The following KIAA1549L variants were observed in gnomAD, a reference collection of about 807,000 sequenced individuals.
KIAA1549L encodes UPF0606 protein KIAA1549L.
A neutral mutation model predicts 160.7 loss-of-function variants in KIAA1549L; 88 were observed. That is an observed-to-expected ratio of 0.55 (90% confidence interval 0.46 to 0.65). The LOEUF (loss-of-function observed/expected upper bound fraction) is 0.65, where lower values mean the gene tolerates loss of function less well. Among genes scored for constraint, KIAA1549L ranks in the 30% least tolerant of loss-of-function variants. The pLI, the probability that KIAA1549L is intolerant of heterozygous loss-of-function variation, is 0.00. For missense variants in KIAA1549L, 2,258 were observed against 2,437.5 expected, an observed-to-expected ratio of 0.93 and a Z score of 1.55; for synonymous variants, 950 against 976.7, an observed-to-expected ratio of 0.97 and a Z score of 0.51.
Position 33,552,040 on chromosome 11 carries a change from C to G in KIAA1549L, c.3722-68C>G, listed in dbSNP as rs1343881327. ...AAAATCGTGCTGTTTTATATTATGA[C>G]CACTGTTAAATCCAAGGAACTGAGA... On this transcript the variant is annotated intron_variant, in intron 5 of 20. Coordinates refer to ENST00000658780, the MANE Select transcript of KIAA1549L (RefSeq NM_012194.3). 3.8e-6 allele frequency: 6 copies of G among 1,559,566 alleles called. No homozygotes were observed. The Admixed American group carries it at 9.0e-5, about 23-fold the overall frequency.
chr11:33,525,803 T>C (rs902552320), intron 1 of KIAA1549L, among the ~76,000 whole-genome samples: 2 of 152,060 alleles, frequency 1.3e-5, no homozygotes, highest in Admixed American at 6.5e-5. Context: ...AGACTGGCTT[T>C]GCTGGCTGTG....
In KIAA1549L at chr11:33,656,050, C is replaced by T. The variant is rs2133432898; in HGVS notation, c.5799C>T (p.Gly1933=). 6.2e-7 allele frequency: 1 copy of T among 1,613,938 alleles called. No individual in the cohort carries two copies. Among genetic ancestry groups the T allele is most frequent in the Non-Finnish European group, 8.5e-7 (1 of 1,179,850 alleles). ...CCCAGCTTCCTGAGATGGTCATGGG[C>T]TCACCGCCTCCACCCGTACCTCCCC... ...RFSQLPEMVM[G]SPPPPVPPRT... Residue 1933 remains glycine (G), a synonymous_variant, in exon 18 of 21, where the codon GGC becomes GGT. Transcript: ENST00000658780.
intron 1 of KIAA1549L, among the ~76,000 whole-genome samples, chr11:33,399,820 G>T (rs1850462157): frequency 6.6e-6 from 1 of 152,196 alleles, no homozygotes; most frequent in Non-Finnish European, 1.5e-5. Context: ...GAAGGACGAA[G>T]ATGAAGAAGA....
intron 1 of KIAA1549L, among the ~76,000 whole-genome samples, chr11:33,408,781 C>CAAAAAAAAAAAAAAAA (rs71034683): frequency 8.7e-6 from 1 of 115,340 alleles, no homozygotes; most frequent in African/African-American, 3.4e-5. Context: ...ACTAAAAATA[C>CAAAAAAAAAAAAAAAA]AAAAAAAAAA....
intron 13 of KIAA1549L, among the ~76,000 whole-genome samples, chr11:33,600,641 C>T (rs1412974139): frequency 6.6e-6 from 1 of 151,916 alleles, no homozygotes; most frequent in Non-Finnish European, 1.5e-5. Context: ...CCAGATGCCC[C>T]ACTCACCCAC....
chr11:33,462,875 C>T (rs1410090987), intron 1 of KIAA1549L, among the ~76,000 whole-genome samples: 1 of 151,934 alleles, frequency 6.6e-6, no homozygotes, highest in African/African-American at 2.4e-5. Context: ...TCCTCTGTTG[C>T]TCAGGCTAGA....
Position 33,591,302 on chromosome 11 carries a change from C to A in KIAA1549L, c.4632C>A (p.Ile1544=). ...LGQQGADEEV[I]PVTQETVVLP... ...AGCAAGGGGCAGATGAGGAGGTCAT[C>A]CCTGTGACTCAGGAGACAGTGGTTC... The change falls in exon 12 of 21, where the codon ATC becomes ATA. Residue 1544 remains isoleucine (I), a synonymous_variant. Transcript: ENST00000658780. 5 of 1,613,618 alleles carry A rather than the reference C, an allele frequency of 3.1e-6. No individual in the cohort carries two copies. Among genetic ancestry groups the A allele is most frequent in the Non-Finnish European group, 4.2e-6 (5 of 1,179,610 alleles).
intron 12 of KIAA1549L, among the ~76,000 whole-genome samples, chr11:33,595,311 C>G (rs912990767): frequency 6.6e-6 from 1 of 152,232 alleles, no homozygotes; most frequent in Admixed American, 6.5e-5. Context: ...ACTGCAACCT[C>G]TGCCTCCCGG....
At chr11:33,385,592 T>G (rs533352516) in intron 1 of KIAA1549L, among the ~76,000 whole-genome samples, 1 of 152,244 alleles carries the variant, frequency 6.6e-6, no homozygotes, top group Non-Finnish European at 1.5e-5. Context: ...GAGTATTCTT[T>G]ATTCTTTTAA....
chr11:33,435,786 ATATATATATATATATATATATATATGTG>A (rs1851347803), intron 1 of KIAA1549L, among the ~76,000 whole-genome samples: 3 of 18,964 alleles, frequency 1.6e-4, no homozygotes, highest in Admixed American at 6.2e-4. Context: ...ATATATATAT[ATATATATATATATATATATATATATGTG>A]TGTGTATATA....
chr11:33,532,662 C>G (rs183443133), intron 1 of KIAA1549L, among the ~76,000 whole-genome samples: 1 of 152,306 alleles, frequency 6.6e-6, no homozygotes, highest in East Asian at 1.9e-4. Context: ...ATATTTTTCT[C>G]TGACATACAA....
At chr11:33,652,795 C>T (rs149915699) in intron 17 of KIAA1549L, among the ~76,000 whole-genome samples, 1 of 152,282 alleles carries the variant, frequency 6.6e-6, no homozygotes, top group Non-Finnish European at 1.5e-5. Context: ...GTCTGCAGAA[C>T]CTCAGGGTTC....
intron 16 of KIAA1549L, among the ~76,000 whole-genome samples, chr11:33,642,823 G>C (rs1441158245): frequency 2.0e-5 from 3 of 152,186 alleles, no homozygotes; most frequent in African/African-American, 7.2e-5. Context: ...CTGATTCTTT[G>C]AAAAGAAATT....
At position 33,674,035 on chromosome 11, in the gene KIAA1549L, A is replaced by G. The variant is rs1852729593; in HGVS notation, c.*5881A>G. On this transcript the variant is annotated 3_prime_UTR_variant, in exon 21 of 21. Transcript: ENST00000658780. The stretch of plus-strand genomic sequence containing the variant: ...TACGTCCTTAGCCTCTGCCGGGAAC[A>G]GAGTGTTCATATGCTGTTAGAATTT... 1 of 152,212 alleles carries G rather than the reference A, an allele frequency of 6.6e-6. No individual in the cohort carries two copies. Among genetic ancestry groups the G allele is most frequent in the Non-Finnish European group, 1.5e-5 (1 of 68,042 alleles). 9.4% of individuals were successfully genotyped at this position (152,212 alleles called of 1,614,324 possible).
chr11:33,392,444 ATTTG>A (rs1317439152), intron 1 of KIAA1549L, among the ~76,000 whole-genome samples: 4 of 152,286 alleles, frequency 2.6e-5, no homozygotes, highest in East Asian at 3.9e-4. Flanking sequence ...AGGGTTCAGT[ATTTG>A]TTTATGACTC....
chr11:33,673,706 T>C lies in KIAA1549L; in HGVS notation c.*5552T>C, dbSNP rs535346301. The C allele has an allele frequency of 1.3e-5, 2 of 152,366 alleles. No homozygotes were observed. Among genetic ancestry groups the C allele is most frequent in the South Asian group, 4.1e-4 (2 of 4,826 alleles). The allele number at this position is 152,366 out of a possible 1,614,324, so 9.4% of individuals were successfully genotyped here. ...TCCAGGAAAATATTTTAGCTCCTCC[T>C]ATCTGCTGAATTAATTTATACAGTC... On this transcript the variant is annotated 3_prime_UTR_variant, in exon 21 of 21. Coordinates refer to ENST00000658780, the MANE Select transcript of KIAA1549L (RefSeq NM_012194.3).
intron 1 of KIAA1549L, among the ~76,000 whole-genome samples, chr11:33,493,614 A>G (rs1173790834): frequency 6.6e-6 from 1 of 152,172 alleles, no homozygotes; most frequent in African/African-American, 2.4e-5. Context: ...TGTATCAACT[A>G]AATTGTTGCT....
intron 1 of KIAA1549L, among the ~76,000 whole-genome samples, chr11:33,430,589 CTT>C (rs959747636): frequency 6.6e-6 from 1 of 152,156 alleles, no homozygotes; most frequent in Admixed American, 6.5e-5. Context: ...TATGGTGAAG[CTT>C]TGAAGCAGTT....
chr11:33,559,992 CCACA>C lies in KIAA1549L; in HGVS notation c.4018+82_4018+85del, dbSNP rs1183263290. On this transcript the variant is annotated intron_variant, in intron 7 of 20. Transcript: ENST00000658780. ...TTTAGCAAACATTTATAGTGCCAGG[CCACA>C]TACTACCACCTTTATCATAAAGTGA... 3.6e-3 allele frequency: 1,658 copies of C among 454,924 alleles called. 8 individuals carry two copies. Among genetic ancestry groups the C allele is most frequent in the Middle Eastern group, 7.4e-3 (10 of 1,350 alleles). The allele number at this position is 454,924 out of a possible 1,614,324, so 28.2% of individuals were successfully genotyped here.
Sources: gnomAD v4.1 joint callset for allele counts (sites outside exome capture counted in the v4.1 genomes callset) on GRCh38, gnomAD v4.1.1 for gene constraint, MANE v1.5 for transcripts, NCBI Gene and HGNC (gene_info 2026-07-23, HGNC 2026-07-21) for gene names.